MINK1: variants seen among roughly 807,000 people sequenced by gnomAD.
The protein encoded by MINK1 is misshapen-like kinase 1.
In MINK1, 46 loss-of-function variants were observed where a neutral mutation model predicts 178.4. The observed-to-expected ratio is 0.26, with a 90% CI of 0.20 to 0.33. MINK1 has a LOEUF of 0.33. Ranked by LOEUF, MINK1 falls within the 10% of genes least tolerant of loss-of-function variation. MINK1 has a pLI of 1.00. For missense variants in MINK1, 1,366 were observed against 1,814.9 expected, an observed-to-expected ratio of 0.75 and a Z score of 4.49; for synonymous variants, 797 against 709.7, an observed-to-expected ratio of 1.12 and a Z score of -1.96.
Position 4,836,944 on chromosome 17 carries a change from G to A in MINK1, c.57+3304G>A, listed in dbSNP as rs985892705. ...CGTAATCCCAGCACTTTGGGAGGCC[G>A]AGGCAGATGGATCACCTGAGAGGTC... On this transcript the variant is annotated intron_variant, in intron 1 of 31. Transcript: ENST00000355280. This position sits in a 1 kb window ranked among gnomAD's most constrained non-coding sequence, Gnocchi z 4.3. Among the ~76,000 whole-genome samples the A allele has an allele frequency of 6.6e-6, 1 of 152,006 alleles. No individual in the cohort carries two copies. The highest frequency in any genetic ancestry group is 1.5e-5 in the Non-Finnish European group (1 of 68,020).
At chr17:4,868,016 G>C (rs1346705574) in intron 1 of MINK1, among the ~76,000 whole-genome samples, 8 of 140,414 alleles carry the variant, frequency 5.7e-5, no homozygotes, top group Non-Finnish European at 1.1e-4. Context: ...TTGCTCTGTT[G>C]CTTAGGCTGG....
intron 1 of MINK1, among the ~76,000 whole-genome samples, chr17:4,867,138 GTTTTTTTTTTTTTT>G (rs759995957): frequency 1.5e-5 from 1 of 64,914 alleles, no homozygotes; most frequent in Non-Finnish European, 2.8e-5. Flanking sequence ...TCTTAGGACT[GTTTTTTTTTTTTTT>G]TTTTTTTTTT....
chr17:4,875,559 G>C (rs1967104661), intron 1 of MINK1: 2 of 445,948 alleles, frequency 4.5e-6, no homozygotes, highest in Non-Finnish European at 9.0e-6. Context: ...GATCACCTGA[G>C]GTCAAGAGTT....
chr17:4,849,935 C>G (rs1338226081), intron 1 of MINK1, among the ~76,000 whole-genome samples: 2 of 152,058 alleles, frequency 1.3e-5, no homozygotes, highest in Non-Finnish European at 2.9e-5. Flanking sequence ...ATCTTGACCT[C>G]CCTTTAATCT....
chr17:4,836,884 T>C lies in MINK1; in HGVS notation c.57+3244T>C, dbSNP rs900890975. Among the ~76,000 whole-genome samples the C allele has an allele frequency of 1.3e-5, 2 of 152,018 alleles. No individual in the cohort carries two copies. Among genetic ancestry groups the C allele is most frequent in the African/African-American group, 4.8e-5 (2 of 41,390 alleles). Reference sequence around the variant, plus strand: ...TATATTCCTGTCAGCCCCACTAAAATGTCAGTTCAGTGGCCGGGTGTGGTA... The same window carrying C: ...TATATTCCTGTCAGCCCCACTAAAACGTCAGTTCAGTGGCCGGGTGTGGTA... On this transcript the variant is annotated intron_variant, in intron 1 of 31. Coordinates refer to ENST00000355280, the MANE Select transcript of MINK1 (RefSeq NM_153827.5). The surrounding 1 kb of genome is among the most constrained non-coding windows in gnomAD (Gnocchi z 4.3).
chr17:4,891,730 T>G lies in MINK1; in HGVS notation c.2001+14T>G, dbSNP rs778002374. ...GCCCCACCCAAGGTAAGGACAGTTC[T>G]GCAGGCCCAGGGAAAAGCAGAGAGC... On this transcript the variant is annotated intron_variant, in intron 16 of 31. Transcript: ENST00000355280. 1.3e-6 allele frequency: 2 copies of G among 1,593,228 alleles called. No individual in the cohort carries two copies. Among genetic ancestry groups the G allele is most frequent in the Non-Finnish European group, 1.7e-6 (2 of 1,169,554 alleles).
At position 4,886,425 on chromosome 17, in the gene MINK1, C is replaced by T; in HGVS notation, c.774-26C>T. 1.3e-6 allele frequency: 2 copies of T among 1,585,704 alleles called. No individual in the cohort carries two copies. The highest frequency in any genetic ancestry group is 1.7e-6 in the Non-Finnish European group (2 of 1,164,830). ...ACCCATCCCTTCTGAGGGGACCCTC[C>T]CAGTGTGAGCCACCACTGTTTCCAG... On this transcript the variant is annotated intron_variant, in intron 9 of 31. Transcript: ENST00000355280. The surrounding 1 kb of genome is among the most constrained non-coding windows in gnomAD (Gnocchi z 6.1).
At position 4,891,583 on chromosome 17, in the gene MINK1, T is replaced by TCCCCGCACCCACTGCCAC; in HGVS notation, c.1869_1886dup (p.Ala625_Pro630dup). ...GCCTCCCATGACCCCGACCCTGCCATCCCCGCACCCACTGCCACGCCCAGT... is the reference window on the plus strand; with the variant it reads ...GCCTCCCATGACCCCGACCCTGCCATCCCCGCACCCACTGCCACCCCCGCACCCACTGCCACGCCCAGT... On this transcript the variant is annotated inframe_insertion, in exon 16 of 32. Coordinates refer to ENST00000355280, the MANE Select transcript of MINK1 (RefSeq NM_153827.5). 1 of 1,605,624 alleles carries TCCCCGCACCCACTGCCAC rather than the reference T, an allele frequency of 6.2e-7. No homozygotes were observed. Among genetic ancestry groups the TCCCCGCACCCACTGCCAC allele is most frequent in the East Asian group, 2.3e-5 (1 of 44,428 alleles).
At chr17:4,837,801 C>T (rs574332704) in intron 1 of MINK1, among the ~76,000 whole-genome samples, 7 of 152,250 alleles carry the variant, frequency 4.6e-5, no homozygotes, top group South Asian at 2.1e-4. Flanking sequence ...TGCTTAGCGT[C>T]GCTGGATTGA....
chr17:4,884,149 G>A (rs976625038), intron 4 of MINK1, among the ~76,000 whole-genome samples: 2 of 151,580 alleles, frequency 1.3e-5, no homozygotes, highest in Admixed American at 1.3e-4. Flanking sequence ...TTACAGGCAT[G>A]AGCCACCGCA....
At position 4,894,512 on chromosome 17, in the gene MINK1, C is replaced by A; in HGVS notation, c.2809-13C>A. ...TTGCACTTGTTTGCCTGACTGCTGTCCCCCTACCACAGTACCAGTCTCGTG... is the reference window on the plus strand; with the variant it reads ...TTGCACTTGTTTGCCTGACTGCTGTACCCCTACCACAGTACCAGTCTCGTG... On this transcript the variant is annotated splice_polypyrimidine_tract_variant and intron_variant, in intron 23 of 31. Coordinates refer to ENST00000355280, the MANE Select transcript of MINK1 (RefSeq NM_153827.5). The surrounding 1 kb of genome is among the most constrained non-coding windows in gnomAD (Gnocchi z 4.1). The A allele has an allele frequency of 1.3e-6, 2 of 1,581,404 alleles. No homozygotes were observed. Among genetic ancestry groups the A allele is most frequent in the South Asian group, 1.2e-5 (1 of 86,764 alleles).
At position 4,892,729 on chromosome 17, in the gene MINK1, C is replaced by T. The variant is rs759401496; in HGVS notation, c.2272C>T (p.Leu758Phe). The T allele has an allele frequency of 3.1e-6, 5 of 1,611,816 alleles. No homozygotes were observed. The African/African-American group carries it at 6.7e-5, about 22-fold the overall frequency. The change falls in exon 19 of 32, where the codon CTC (leucine) becomes TTC (phenylalanine). Residue 758 changes from leucine (L) to phenylalanine (F), a missense_variant. By Grantham distance (22) the Leu-to-Phe change is conservative. Transcript: ENST00000355280. ...DSVLPASHGH[L>F]PQAGSLERNR... is the part of the protein sequence containing the mutation. ...CGTCCTTCCAGCCTCTCACGGGCAC[C>T]TCCCCCAGGCTGGCTCACTGGAGCG...
intron 1 of MINK1, among the ~76,000 whole-genome samples, chr17:4,835,086 G>A (rs1373042904): frequency 1.3e-5 from 2 of 152,130 alleles, no homozygotes; most frequent in East Asian, 1.9e-4. Context: ...CTCTGTGTGC[G>A]CAGGCACATG....
Position 4,892,899 on chromosome 17 carries a change from T to C in MINK1, c.2312-80T>C. 9 of 1,423,290 alleles carry C rather than the reference T, an allele frequency of 6.3e-6. No individual in the cohort carries two copies. The Admixed American group carries it at 1.6e-4, about 25-fold the overall frequency. The allele number at this position is 1,423,290 out of a possible 1,614,324, so 88.2% of individuals were successfully genotyped here. On this transcript the variant is annotated intron_variant, in intron 19 of 31. Transcript: ENST00000355280. ...CCTGTGTGGGTATGGAACTTGGGGC[T>C]GAGTTCTGGGGCTCAGGGTGTGGGC...
rs2151014761 is a variant in MINK1 at position 4,885,740 on chromosome 17, C to T, written c.639+127C>T. On this transcript the variant is annotated intron_variant, in intron 7 of 31. Transcript: ENST00000355280. This position sits in a 1 kb window ranked among gnomAD's most constrained non-coding sequence, Gnocchi z 5.0. ...ATGTTAGCAGTGAGGGGCTGGGGAA[C>T]ATCTTACGGCAAGGCAAGTGTGGGT... 2 of 1,431,858 alleles carry T rather than the reference C, an allele frequency of 1.4e-6. No individual in the cohort carries two copies. Among genetic ancestry groups the T allele is most frequent in the Non-Finnish European group, 1.9e-6 (2 of 1,048,460 alleles). 88.7% of individuals were successfully genotyped at this position (1,431,858 alleles called of 1,614,324 possible). A position where few individuals can be genotyped will look rare whatever the true frequency, so the allele number is the denominator to read the frequency against.
chr17:4,854,781 C>T (rs1358621914), intron 1 of MINK1: 2 of 493,934 alleles, frequency 4.0e-6, no homozygotes, highest in Non-Finnish European at 8.1e-6. Flanking sequence ...AGGACAAGTA[C>T]TTCACGTTGT....
intron 1 of MINK1, among the ~76,000 whole-genome samples, chr17:4,853,871 C>G (rs1333665052): frequency 3.3e-5 from 5 of 152,070 alleles, no homozygotes; most frequent in African/African-American, 1.2e-4. Context: ...GAGATACCAC[C>G]TCCGCTGCCT....
In MINK1 at chr17:4,891,592, C is replaced by T. The variant is rs773352345; in HGVS notation, c.1877C>T (p.Pro626Leu). The change falls in exon 16 of 32, where the codon CCC becomes CTC. Residue 626 changes from proline (P) to leucine (L), a missense_variant. Pro to Leu is a moderately conservative substitution (Grantham distance 98, BLOSUM62 -3). Transcript: ENST00000355280. ...GACCCCGACCCTGCCATCCCCGCAC[C>T]CACTGCCACGCCCAGTGCCCGAGGA... ...SHDPDPAIPA[P>L]TATPSARGAV... 1.4e-5 allele frequency: 23 copies of T among 1,604,996 alleles called. No individual in the cohort carries two copies. Among genetic ancestry groups the T allele is most frequent in the Non-Finnish European group, 1.9e-5 (22 of 1,176,404 alleles).
intron 13 of MINK1, 163 bp from the exon 14 acceptor site, chr17:4,890,351 GCTT>G: frequency 7.0e-7 from 1 of 1,431,606 alleles, no homozygotes; most frequent in Non-Finnish European, 9.1e-7. Flanking sequence ...GCTTTTCAGA[GCTT>G]CTTTGCTGGA....
Sources: gnomAD v4.1 joint callset for allele counts (sites outside exome capture counted in the v4.1 genomes callset) on GRCh38, gnomAD v4.1.1 for gene constraint, Gnocchi (gnomAD v3.1) non-coding constraint, MANE v1.5 for transcripts, NCBI Gene and HGNC (gene_info 2026-07-23, HGNC 2026-07-21) for gene names.